ZNF407: variants seen among roughly 807,000 people sequenced by gnomAD.
ZNF407 encodes zinc finger protein 407.
Under a neutral mutation model 131.2 loss-of-function variants are expected in ZNF407, and 17 were observed. The ratio of observed to expected loss-of-function variants is 0.13; its 90% CI spans 0.09 to 0.19. The LOEUF (loss-of-function observed/expected upper bound fraction) is 0.19, where lower values mean the gene tolerates loss of function less well. Ranked by LOEUF, ZNF407 falls within the 10% of genes least tolerant of loss-of-function variation. The pLI, the probability that ZNF407 is intolerant of heterozygous loss-of-function variation, is 1.00. For missense variants in ZNF407, 2,681 were observed against 2,830.6 expected (o/e 0.95, Z 1.20); for synonymous variants, 1,156 against 1,062.0 (o/e 1.09, Z -1.72).
chr18:74,765,296 G>A (rs571841605), intron 3 of ZNF407, among the ~76,000 whole-genome samples: 58 of 152,032 alleles, frequency 3.8e-4, no homozygotes, highest in African/African-American at 1.2e-3. Flanking sequence ...CCTTATTATT[G>A]TTCATATTTT....
chr18:75,047,961 G>A (rs181158653), intron 8 of ZNF407, among the ~76,000 whole-genome samples: 32 of 152,304 alleles, frequency 2.1e-4, no homozygotes, highest in African/African-American at 6.7e-4. Flanking sequence ...CTGTATTTCC[G>A]CACACATCAT....
chr18:74,863,306 C>A (rs534217283), intron 4 of ZNF407, among the ~76,000 whole-genome samples: 5 of 151,186 alleles, frequency 3.3e-5, no homozygotes, highest in African/African-American at 1.2e-4. Flanking sequence ...TGCTTGATTG[C>A]GTATTATTTT....
chr18:75,034,451 G>A (rs552773564), intron 8 of ZNF407, among the ~76,000 whole-genome samples: 67 of 151,804 alleles, frequency 4.4e-4, no homozygotes, highest in Admixed American at 1.2e-3. Flanking sequence ...CTACAGGTGC[G>A]CGCCACCATG....
At chr18:74,953,528 T>C (rs1032436047) in intron 8 of ZNF407, among the ~76,000 whole-genome samples, 2 of 152,188 alleles carry the variant, frequency 1.3e-5, no homozygotes, top group Admixed American at 6.5e-5. Context: ...ATTTCCCTTG[T>C]ATTACATTTC....
At chr18:74,829,628 A>C (rs1970455179) in intron 4 of ZNF407, among the ~76,000 whole-genome samples, 3 of 152,306 alleles carry the variant, frequency 2.0e-5, no homozygotes, top group Middle Eastern at 3.4e-3. Context: ...CCAGGAATTA[A>C]ATAATTTTAA....
intron 8 of ZNF407, among the ~76,000 whole-genome samples, chr18:74,940,919 T>G (rs966500542): frequency 5.9e-5 from 9 of 152,206 alleles, no homozygotes; most frequent in Admixed American, 2.0e-4. Context: ...TCTTTGGTTG[T>G]TTGTTCTATA....
At chr18:74,720,602 A>T (rs1165378724) in intron 3 of ZNF407, among the ~76,000 whole-genome samples, 1 of 151,786 alleles carries the variant, frequency 6.6e-6, no homozygotes, top group African/African-American at 2.4e-5. Context: ...CAGTTCTCCT[A>T]TGTTTTCTTC....
intron 8 of ZNF407, among the ~76,000 whole-genome samples, chr18:75,025,672 T>G (rs1198240509): frequency 2.0e-5 from 3 of 152,228 alleles, no homozygotes; most frequent in Non-Finnish European, 4.4e-5. Context: ...AAGAGTTTGT[T>G]TGGTATGGGG....
chr18:74,852,193 ACACACGCACG>A (rs1253424211), intron 4 of ZNF407, among the ~76,000 whole-genome samples: 28 of 67,968 alleles, frequency 4.1e-4, no homozygotes, highest in South Asian at 1.4e-3. Context: ...ACACACACAC[ACACACGCACG>A]CACGCACGCG....
At chr18:74,967,391 G>A (rs1401734095) in intron 8 of ZNF407, among the ~76,000 whole-genome samples, 1 of 152,098 alleles carries the variant, frequency 6.6e-6, no homozygotes. Flanking sequence ...GGCCATATTA[G>A]TGTCAATATT....
intron 3 of ZNF407, among the ~76,000 whole-genome samples, chr18:74,693,555 A>G (rs1568169752): frequency 6.6e-6 from 1 of 152,120 alleles, no homozygotes; most frequent in Non-Finnish European, 1.5e-5. Flanking sequence ...TATTTTCCTT[A>G]AATTTGTCCT....
At chr18:74,820,415 A>G (rs984306902) in intron 4 of ZNF407, among the ~76,000 whole-genome samples, 1 of 152,178 alleles carries the variant, frequency 6.6e-6, no homozygotes, top group Non-Finnish European at 1.5e-5. Flanking sequence ...CAGTCAGGTC[A>G]TCTCCACCTG....
intron 3 of ZNF407, among the ~76,000 whole-genome samples, chr18:74,653,312 A>C (rs901357833): frequency 1.4e-4 from 21 of 152,064 alleles, no homozygotes; most frequent in African/African-American, 5.1e-4. Context: ...TAAGCGTCAT[A>C]TTCTCAGTTG....
intron 1 of ZNF407, among the ~76,000 whole-genome samples, chr18:74,618,763 A>G (rs1282885822): frequency 1.3e-5 from 2 of 152,216 alleles, no homozygotes; most frequent in Non-Finnish European, 2.9e-5. Flanking sequence ...TGCAGAGGAA[A>G]AAAACTATTA....
At chr18:74,712,332 C>T (rs2144849189) in intron 3 of ZNF407, among the ~76,000 whole-genome samples, 1 of 152,284 alleles carries the variant, frequency 6.6e-6, no homozygotes, top group East Asian at 1.9e-4. Context: ...ATTGATGAGA[C>T]AATATGTGTA....
At chr18:74,738,891 G>T in intron 3 of ZNF407, among the ~76,000 whole-genome samples, 1 of 152,080 alleles carries the variant, frequency 6.6e-6, no homozygotes, top group Non-Finnish European at 1.5e-5. Flanking sequence ...TGTTTAAGGA[G>T]ATTTGAAAAG....
At chr18:74,939,674 A>T (rs1317647873) in intron 8 of ZNF407, among the ~76,000 whole-genome samples, 1 of 152,236 alleles carries the variant, frequency 6.6e-6, no homozygotes, top group Admixed American at 6.5e-5. Context: ...ATGGAGGAAA[A>T]TTGGAACTCT....
intron 3 of ZNF407, among the ~76,000 whole-genome samples, chr18:74,668,911 T>TA (rs953110804): frequency 6.6e-5 from 10 of 151,940 alleles, no homozygotes; most frequent in Admixed American, 3.3e-4. Context: ...GATATATCAT[T>TA]AAAAAAAACC....
chr18:74,746,165 G>A (rs531518423), intron 3 of ZNF407, among the ~76,000 whole-genome samples: 1 of 152,198 alleles, frequency 6.6e-6, no homozygotes, highest in African/African-American at 2.4e-5. Flanking sequence ...AACATAGAAT[G>A]GTACAGTAAG....
Sources: allele counts gnomAD v4.1 joint callset (sites outside exome capture counted in the v4.1 genomes callset), GRCh38; gene constraint gnomAD v4.1.1; transcripts MANE v1.5; gene names NCBI Gene and HGNC (gene_info 2026-07-23, HGNC 2026-07-21).